Variants in MYO1E observed in about 807,000 individuals in gnomAD.
The protein encoded by MYO1E is myosin IE.
In MYO1E, 68 loss-of-function variants were observed where a neutral mutation model predicts 151.1. The observed-to-expected ratio is 0.45, with a 90% CI of 0.37 to 0.55. The LOEUF is 0.55. MYO1E is among the 20% of genes least tolerant of loss of function. The probability of loss-of-function intolerance (pLI) is 0.00; values close to 1 mark genes in which losing one functional copy is unlikely to be tolerated. For missense variants in MYO1E, 1,363 were observed against 1,389.3 expected (o/e 0.98, Z 0.30); for synonymous variants, 601 against 501.7 (o/e 1.20, Z -2.64).
rs2079372679 is a variant in MYO1E, at chr15:59,136,341, A to G, written c.*1039T>C. The G allele has an allele frequency of 5.9e-6, 1 of 168,872 alleles. No homozygotes were observed. The highest frequency in any genetic ancestry group is 1.3e-5 in the Non-Finnish European group (1 of 77,022). The allele number at this position is 168,872 out of a possible 1,614,324, so 10.5% of individuals were successfully genotyped here. On this transcript the variant is annotated 3_prime_UTR_variant, in exon 28 of 28. Coordinates refer to ENST00000288235, the MANE Select transcript of MYO1E (RefSeq NM_004998.4). ...TTGGAGGCACACAATTCAACCCATAACAAATGTCATAAAAGAAGAAGGTGT... is the reference window on the plus strand; with the variant it reads ...TTGGAGGCACACAATTCAACCCATAGCAAATGTCATAAAAGAAGAAGGTGT...
intron 15 of MYO1E, among the ~76,000 whole-genome samples, chr15:59,203,584 C>T (rs1376771861): frequency 6.6e-6 from 1 of 152,090 alleles, no homozygotes; most frequent in South Asian, 2.1e-4. Context: ...ACATGTTGGC[C>T]ACAGTGGTCT....
intron 1 of MYO1E, among the ~76,000 whole-genome samples, chr15:59,306,964 G>A (rs1199959875): frequency 6.6e-6 from 1 of 152,156 alleles, no homozygotes; most frequent in Non-Finnish European, 1.5e-5. Context: ...TTGCAGCCTT[G>A]AGCTAATACT....
chr15:59,272,338 G>C lies in MYO1E; in HGVS notation c.115C>G (p.Leu39Val). 6.2e-7 allele frequency: 1 copy of C among 1,614,116 alleles called. No homozygotes were observed. Among genetic ancestry groups the C allele is most frequent in the South Asian group, 1.1e-5 (1 of 91,082 alleles). Residue 39 changes from leucine to valine, a missense_variant, in exon 2 of 28, where the codon CTG becomes GTG. Coordinates refer to ENST00000288235, the MANE Select transcript of MYO1E (RefSeq NM_004998.4). The part of the protein sequence containing the change: ...KITENSIVEN[L>V]KKRYMDDYIF... ...TAGTCATCCATGTATCTCTTCTTCAGATTCTCCACGATGGAGTTCTCTGTG... is the reference window on the plus strand; with the variant it reads ...TAGTCATCCATGTATCTCTTCTTCACATTCTCCACGATGGAGTTCTCTGTG...
chr15:59,319,389 A>C (rs2080610235), intron 1 of MYO1E, among the ~76,000 whole-genome samples: 1 of 152,034 alleles, frequency 6.6e-6, no homozygotes. Flanking sequence ...TGAAAAGAAA[A>C]TAAATGCATA....
At chr15:59,255,701 T>C (rs1293496259) in intron 4 of MYO1E, among the ~76,000 whole-genome samples, 1 of 152,154 alleles carries the variant, frequency 6.6e-6, no homozygotes, top group Non-Finnish European at 1.5e-5. Context: ...GCTGAAGAGC[T>C]TAAAAAAAAT....
intron 12 of MYO1E, among the ~76,000 whole-genome samples, chr15:59,213,151 A>AT (rs1566980755): frequency 7.1e-6 from 1 of 140,422 alleles, no homozygotes; most frequent in East Asian, 2.0e-4. Flanking sequence ...TATTATTATT[A>AT]TTATTATTAT....
chr15:59,318,905 A>C (rs1253142136), intron 1 of MYO1E, among the ~76,000 whole-genome samples: 1 of 152,076 alleles, frequency 6.6e-6, no homozygotes, highest in Non-Finnish European at 1.5e-5. Context: ...GTCTTATAGA[A>C]ACTGGGCATT....
At chr15:59,158,658 A>G (rs1289843685) in intron 24 of MYO1E, among the ~76,000 whole-genome samples, 1 of 152,196 alleles carries the variant, frequency 6.6e-6, no homozygotes, top group African/African-American at 2.4e-5. Context: ...AGGTGTTTCT[A>G]TTTTTACAGA....
intron 4 of MYO1E, among the ~76,000 whole-genome samples, chr15:59,242,490 T>C (rs2080105891): frequency 6.6e-6 from 1 of 152,118 alleles, no homozygotes. Flanking sequence ...CATAGTGCCA[T>C]ACGAAAGTAA....
chr15:59,218,485 T>C (rs1301986216), intron 9 of MYO1E, among the ~76,000 whole-genome samples: 1 of 152,356 alleles, frequency 6.6e-6, no homozygotes, highest in South Asian at 2.1e-4. Flanking sequence ...CCAAATATTG[T>C]TTTCTTCCTT....
At chr15:59,207,476 A>C (rs746698364) in intron 14 of MYO1E, 13 of 1,614,002 alleles carry the variant, frequency 8.1e-6, no homozygotes, top group Non-Finnish European at 1.1e-5. Context: ...TACAGCCCCC[A>C]CTGCAAACTG....
chr15:59,224,559 A>C, intron 8 of MYO1E, 130 bp downstream of exon 8: 2 of 1,233,970 alleles, frequency 1.6e-6, no homozygotes, highest in Non-Finnish European at 2.4e-6. Flanking sequence ...ATGAGCATAC[A>C]GAGTGCTCAC....
At chr15:59,149,335 C>T (rs1039671779) in intron 26 of MYO1E, among the ~76,000 whole-genome samples, 5 of 152,040 alleles carry the variant, frequency 3.3e-5, no homozygotes, top group Non-Finnish European at 5.9e-5. Context: ...GGATTACAGG[C>T]GTGAGCCACC....
At chr15:59,223,766 C>T (rs1434633627) in intron 8 of MYO1E, among the ~76,000 whole-genome samples, 1 of 152,194 alleles carries the variant, frequency 6.6e-6, no homozygotes, top group Non-Finnish European at 1.5e-5. Context: ...TTTCTGAGGT[C>T]CCTTAAATGC....
chr15:59,158,159 G>T, intron 25 of MYO1E, 128 bp downstream of exon 25: 1 of 825,646 alleles, frequency 1.2e-6, no homozygotes, highest in Non-Finnish European at 2.0e-6. Context: ...TGTACATGTG[G>T]CACTGAAATG....
intron 9 of MYO1E, among the ~76,000 whole-genome samples, chr15:59,221,652 C>T (rs535140800): frequency 3.3e-5 from 5 of 152,314 alleles, no homozygotes; most frequent in Admixed American, 6.5e-5. Context: ...TCCATGCCTC[C>T]ATCGCCTCTA....
chr15:59,290,912 G>A (rs961664880), intron 1 of MYO1E, among the ~76,000 whole-genome samples: 30 of 152,278 alleles, frequency 2.0e-4, no homozygotes, highest in African/African-American at 6.7e-4. Context: ...AGCAGTAATA[G>A]TAAAAATCAT....
At chr15:59,214,337 A>T (rs1470675882) in intron 11 of MYO1E, 23 bp from the exon 12 acceptor site, 3 of 1,521,904 alleles carry the variant, frequency 2.0e-6, no homozygotes, top group East Asian at 2.3e-5. Context: ...AGTTATTCAC[A>T]TGTAATTCTT....
At position 59,246,187 on chromosome 15, in the gene MYO1E, G is replaced by A. The variant is rs143788188; in HGVS notation, c.333-9515C>T. The stretch of plus-strand genomic sequence containing the variant: ...GGCTGGAGTGCAGTGGTGCCATCTT[G>A]GCTCACTGCAACCTCTGCCTCCTGG... On this transcript the variant is annotated intron_variant, in intron 4 of 27. Coordinates refer to ENST00000288235, the MANE Select transcript of MYO1E (RefSeq NM_004998.4). 4.7e-3 allele frequency among the ~76,000 whole-genome samples: 718 copies of A among 152,010 alleles called. 5 individuals carry two copies. The highest frequency in any genetic ancestry group is 0.017 in the African/African-American group (688 of 41,450).
Sources: gnomAD v4.1 joint callset for allele counts (sites outside exome capture counted in the v4.1 genomes callset) on GRCh38, gnomAD v4.1.1 for gene constraint, MANE v1.5 for transcripts, NCBI Gene and HGNC (gene_info 2026-07-23, HGNC 2026-07-21) for gene names.